DLG2: variants seen among roughly 807,000 people sequenced by gnomAD.
DLG2 encodes discs large MAGUK scaffold protein 2, also known as disks large homolog 2.
Under a neutral mutation model 132.5 loss-of-function variants are expected in DLG2, and 45 were observed. That is an observed-to-expected ratio of 0.34 (90% CI 0.27 to 0.44). The LOEUF (loss-of-function observed/expected upper bound fraction) is 0.44. DLG2 is among the 20% of genes least tolerant of loss of function. The probability of loss-of-function intolerance (pLI) is 1.00; values close to 1 mark genes in which losing one functional copy is unlikely to be tolerated. For missense variants in DLG2, 1,045 were observed against 1,196.9 expected, an observed-to-expected ratio of 0.87 and a Z score of 1.87; for synonymous variants, 424 against 419.6, an observed-to-expected ratio of 1.01 and a Z score of -0.13.
intron 4 of DLG2, among the ~76,000 whole-genome samples, chr11:85,186,485 C>A (rs2080109796): frequency 6.6e-6 from 1 of 151,912 alleles, no homozygotes; most frequent in Non-Finnish European, 1.5e-5. Context: ...ATGTTCAATA[C>A]AAGTTTTGTG....
At chr11:83,672,986 C>T (rs568163471) in intron 18 of DLG2, among the ~76,000 whole-genome samples, 6 of 152,194 alleles carry the variant, frequency 3.9e-5, no homozygotes, top group East Asian at 1.9e-4. Context: ...CACTTGAACC[C>T]GGGAGTCGGA....
chr11:84,298,546 G>A (rs1474262597), intron 7 of DLG2, among the ~76,000 whole-genome samples: 1 of 152,104 alleles, frequency 6.6e-6, no homozygotes, highest in African/African-American at 2.4e-5. Flanking sequence ...TCCTATCCTG[G>A]CAATAAAGTT....
intron 6 of DLG2, among the ~76,000 whole-genome samples, chr11:84,893,075 G>T (rs2089659596): frequency 6.6e-6 from 1 of 152,112 alleles, no homozygotes; most frequent in African/African-American, 2.4e-5. Context: ...TACTCTTCTT[G>T]TCAATAAAAA....
chr11:84,864,726 T>C (rs1438573501), intron 6 of DLG2, among the ~76,000 whole-genome samples: 2 of 152,166 alleles, frequency 1.3e-5, no homozygotes, highest in Non-Finnish European at 2.9e-5. Context: ...ACAATAGAGA[T>C]TCAACTAATT....
At position 84,838,473 on chromosome 11, in the gene DLG2, A is replaced by G. The variant is rs114128075; in HGVS notation, c.357+273188T>C. Among the ~76,000 whole-genome samples the G allele has an allele frequency of 3.3e-3, 505 of 151,940 alleles. 2 individuals are homozygous for G. Among genetic ancestry groups the G allele is most frequent in the African/African-American group, 0.011 (445 of 41,514 alleles). On this transcript the variant is annotated intron_variant, in intron 6 of 27. Coordinates refer to ENST00000376104, the MANE Select transcript of DLG2 (RefSeq NM_001142699.3). ...AATCACTGAAGTATTGGTGAGGATG[A>G]AGGGAAACATATACATTGCTGTTGA...
intron 18 of DLG2, among the ~76,000 whole-genome samples, chr11:83,712,962 TTAAAA>T (rs66703269): frequency 0.1 from 15,812 of 151,514 alleles, 1,392 homozygotes; most frequent in African/African-American, 0.23. Context: ...ACCCCGGAAC[TTAAAA>T]TAAAAGTTGA....
chr11:84,017,507 G>T (rs754697568), intron 11 of DLG2, among the ~76,000 whole-genome samples: 1 of 151,942 alleles, frequency 6.6e-6, no homozygotes, highest in African/African-American at 2.4e-5. Flanking sequence ...TAATCAAAGT[G>T]AAGTTTATAT....
chr11:84,185,010 C>G (rs1197279712), intron 8 of DLG2, among the ~76,000 whole-genome samples: 1 of 152,238 alleles, frequency 6.6e-6, no homozygotes, highest in East Asian at 1.9e-4. Flanking sequence ...AGCGTGATGC[C>G]TCTGGCTTTG....
chr11:84,252,561 C>T (rs920268931), intron 7 of DLG2, among the ~76,000 whole-genome samples: 18 of 151,920 alleles, frequency 1.2e-4, no homozygotes, highest in Non-Finnish European at 2.5e-4. Flanking sequence ...AAAAATTGTA[C>T]GATTTGCAGT....
chr11:85,440,224 A>G (rs1217958706), intron 3 of DLG2, among the ~76,000 whole-genome samples: 1 of 152,170 alleles, frequency 6.6e-6, no homozygotes, highest in African/African-American at 2.4e-5. Context: ...TCTCCCTTCT[A>G]TGTATTCGCT....
chr11:85,405,148 T>C (rs983113749), intron 3 of DLG2, among the ~76,000 whole-genome samples: 2 of 151,934 alleles, frequency 1.3e-5, no homozygotes, highest in South Asian at 2.1e-4. Context: ...CACTGCTAAG[T>C]ACTATAGATT....
At chr11:84,865,602 T>C (rs1450576888) in intron 6 of DLG2, among the ~76,000 whole-genome samples, 2 of 152,210 alleles carry the variant, frequency 1.3e-5, no homozygotes, top group Non-Finnish European at 2.9e-5. Flanking sequence ...CTGCAGATTT[T>C]TCAAAGGTAA....
intron 14 of DLG2, among the ~76,000 whole-genome samples, chr11:83,936,229 T>C (rs1427962274): frequency 3.3e-5 from 5 of 152,244 alleles, no homozygotes; most frequent in Non-Finnish European, 7.3e-5. Flanking sequence ...GCTTTTAGTC[T>C]CGCAAAAGGT....
intron 10 of DLG2, among the ~76,000 whole-genome samples, chr11:84,096,436 C>T (rs1180989991): frequency 6.6e-6 from 1 of 152,150 alleles, no homozygotes; most frequent in African/African-American, 2.4e-5. Flanking sequence ...GGGCTGCCAC[C>T]ATGTTTGCAG....
At position 85,593,617 on chromosome 11, in the gene DLG2, T is replaced by A. The variant is rs901557538; in HGVS notation, c.40+5040A>T. ...ATAAATACAGCCAAGTTGCTCCAAA[T>A]TCACACAACTGTAGGGGCCTTCACA... On this transcript the variant is annotated intron_variant, in intron 3 of 27. Coordinates refer to ENST00000376104, the MANE Select transcript of DLG2 (RefSeq NM_001142699.3). Among the ~76,000 whole-genome samples, 8 of 152,172 alleles carry A rather than the reference T, an allele frequency of 5.3e-5. 1 individual carries two copies. The highest frequency in any genetic ancestry group is 1.9e-4 in the African/African-American group (8 of 41,446).
chr11:85,021,794 C>G (rs2060095770), intron 6 of DLG2: 1 of 510,780 alleles, frequency 2.0e-6, no homozygotes. Flanking sequence ...GACTGCTGCT[C>G]GAGGTGGGTA....
At chr11:83,846,537 T>C (rs1265532631) in intron 16 of DLG2, among the ~76,000 whole-genome samples, 1 of 152,176 alleles carries the variant, frequency 6.6e-6, no homozygotes, top group Non-Finnish European at 1.5e-5. Context: ...TGCTGCAAAG[T>C]GAGGGGCTTT....
intron 7 of DLG2, among the ~76,000 whole-genome samples, chr11:84,255,593 G>T (rs2097455558): frequency 6.6e-6 from 1 of 152,108 alleles, no homozygotes; most frequent in South Asian, 2.1e-4. Context: ...AAAGCGCTGG[G>T]AGTACAGGTG....
chr11:83,550,162 C>G (rs1374055583), intron 19 of DLG2, among the ~76,000 whole-genome samples: 1 of 152,050 alleles, frequency 6.6e-6, no homozygotes, highest in Non-Finnish European at 1.5e-5. Flanking sequence ...TTCTATTGTT[C>G]CTAAAAAATC....
Sources: gnomAD v4.1 joint callset for allele counts (sites outside exome capture counted in the v4.1 genomes callset) on GRCh38, gnomAD v4.1.1 for gene constraint, MANE v1.5 for transcripts, NCBI Gene and HGNC (gene_info 2026-07-23, HGNC 2026-07-21) for gene names.